The following PTPRZ1 variants were observed in gnomAD, a reference collection of about 807,000 sequenced individuals.
PTPRZ1 encodes receptor-type tyrosine-protein phosphatase zeta.
Under a neutral mutation model 214.1 loss-of-function variants are expected in PTPRZ1, and 82 were observed. That is an observed-to-expected ratio of 0.38 (90% confidence interval 0.32 to 0.46). The LOEUF is 0.46. Among genes scored for constraint, PTPRZ1 ranks in the 20% least tolerant of loss-of-function variants. The probability of loss-of-function intolerance (pLI) is 1.00; values close to 1 mark genes in which losing one functional copy is unlikely to be tolerated. For synonymous variants in PTPRZ1, 945 were observed against 987.9 expected (o/e 0.96, Z 0.81); for missense variants, 2,603 against 2,748.7 (o/e 0.95, Z 1.19).
chr7:121,932,859 A>G lies in PTPRZ1; in HGVS notation c.124+4638A>G, dbSNP rs1584653740. ...ATACTCTTTTAGTTGTGTTTTATGC[A>G]TAGGTTAAGAAAAACTTTCTATTCA... is the stretch of plus-strand genomic sequence containing the variant. On this transcript the variant is annotated intron_variant, in intron 2 of 29. Transcript: ENST00000393386. Among the ~76,000 whole-genome samples, 3 of 152,270 alleles carry G rather than the reference A, an allele frequency of 2.0e-5. No homozygotes were observed. In the East Asian group the frequency reaches 5.8e-4, roughly 29 times the overall value.
intron 14 of PTPRZ1, among the ~76,000 whole-genome samples, chr7:122,030,503 C>T (rs1213397263): frequency 1.3e-5 from 2 of 152,004 alleles, no homozygotes; most frequent in Non-Finnish European, 2.9e-5. Context: ...GGTAGAATTA[C>T]ACCTTTGTCT....
chr7:122,038,992 T>C, intron 19 of PTPRZ1, 103 bp downstream of exon 19: 1 of 1,229,928 alleles, frequency 8.1e-7, no homozygotes, highest in Non-Finnish European at 1.1e-6. Flanking sequence ...GTTTTGAGAG[T>C]TATTTGGGAT....
intron 18 of PTPRZ1, among the ~76,000 whole-genome samples, chr7:122,037,761 C>T (rs1401546645): frequency 2.0e-5 from 3 of 152,140 alleles, no homozygotes; most frequent in Non-Finnish European, 4.4e-5. Flanking sequence ...CTGCCACTGG[C>T]TAGCTGTGGG....
intron 1 of PTPRZ1, among the ~76,000 whole-genome samples, chr7:121,889,006 G>A (rs983991318): frequency 1.3e-5 from 2 of 152,052 alleles, no homozygotes; most frequent in African/African-American, 4.8e-5. Flanking sequence ...ATTATATAGG[G>A]AATGAATTAA....
intron 1 of PTPRZ1, among the ~76,000 whole-genome samples, chr7:121,882,478 T>G (rs942619638): frequency 6.6e-6 from 1 of 152,102 alleles, no homozygotes; most frequent in Admixed American, 6.6e-5. Flanking sequence ...CAGAGAAACA[T>G]GGACTGAAAG....
At chr7:121,973,029 A>C (rs1361524526) in intron 4 of PTPRZ1, among the ~76,000 whole-genome samples, 1 of 152,198 alleles carries the variant, frequency 6.6e-6, no homozygotes, top group Non-Finnish European at 1.5e-5. Context: ...CAGCTTTAAA[A>C]TTGGCAAAGT....
At chr7:121,952,553 T>C (rs1584676116) in intron 2 of PTPRZ1, among the ~76,000 whole-genome samples, 1 of 151,966 alleles carries the variant, frequency 6.6e-6, no homozygotes, top group East Asian at 1.9e-4. Flanking sequence ...TCCACTGCAT[T>C]CCAGCCTGTG....
chr7:122,039,039 T>C, intron 19 of PTPRZ1, 150 bp downstream of exon 19: 1 of 814,016 alleles, frequency 1.2e-6, no homozygotes. Context: ...AGGGAAACTG[T>C]TAATACTGTT....
chr7:121,925,838 G>A (rs1202756451), intron 1 of PTPRZ1, among the ~76,000 whole-genome samples: 1 of 152,004 alleles, frequency 6.6e-6, no homozygotes, highest in Non-Finnish European at 1.5e-5. Context: ...TTGGAGCAAG[G>A]TGCCCCACTG....
At position 122,012,356 on chromosome 7, in the gene PTPRZ1, G is replaced by T; in HGVS notation, c.3310G>T (p.Ala1104Ser). 2 of 1,613,870 alleles carry T rather than the reference G, an allele frequency of 1.2e-6. No homozygotes were observed. Among genetic ancestry groups the T allele is most frequent in the Non-Finnish European group, 1.7e-6 (2 of 1,179,854 alleles). Residue 1104 changes from alanine (A) to serine (S), a missense_variant, in exon 12 of 30, where the codon GCT (alanine) becomes TCT (serine). Physicochemically the swap from Ala to Ser is moderately conservative, Grantham distance 99. Coordinates refer to ENST00000393386, the MANE Select transcript of PTPRZ1 (RefSeq NM_002851.3). ...CAAGGGCATGTTTCCAGGGTCCCTT[G>T]CTCATACCACCACTAAGGTTTTTGA... ...STKGMFPGSL[A>S]HTTTKVFDHE...
Position 121,997,954 on chromosome 7 carries a change from A to C in PTPRZ1, c.1188A>C (p.Leu396Phe). 6.2e-7 allele frequency: 1 copy of C among 1,613,156 alleles called. No individual in the cohort carries two copies. Among genetic ancestry groups the C allele is most frequent in the South Asian group, 1.1e-5 (1 of 91,018 alleles). The change falls in exon 10 of 30, where the codon TTA becomes TTC. Residue 396 changes from leucine (L) to phenylalanine (F), a missense_variant. This residue lies in a region of PTPRZ1 where 244 missense variants were observed against 333.2 expected (regional missense o/e 0.73). Coordinates refer to ENST00000393386, the MANE Select transcript of PTPRZ1 (RefSeq NM_002851.3). ...TAGTAGCCATATGCACTAATGGCTT[A>C]TATGGAAAATACAGCGACCAACTGA... ...LQIVAICTNG[L>F]YGKYSDQLIV...
intron 1 of PTPRZ1, among the ~76,000 whole-genome samples, chr7:121,922,366 G>A (rs1353505276): frequency 6.6e-6 from 1 of 152,104 alleles, no homozygotes; most frequent in Non-Finnish European, 1.5e-5. Context: ...AGACCAGCCT[G>A]GCCAACATGG....
chr7:121,908,365 A>AGTATAATT, intron 1 of PTPRZ1: 1 of 243,432 alleles, frequency 4.1e-6, no homozygotes, highest in South Asian at 4.3e-5. Flanking sequence ...ATCCCTTTGG[A>AGTATAATT]AAAGAATATC....
chr7:121,931,225 A>G (rs921859764), intron 2 of PTPRZ1, among the ~76,000 whole-genome samples: 1 of 152,192 alleles, frequency 6.6e-6, no homozygotes, highest in Non-Finnish European at 1.5e-5. Context: ...TGTTTGCTCC[A>G]TTAAGAGTAA....
chr7:122,021,354 T>G (rs1799011250), intron 13 of PTPRZ1, among the ~76,000 whole-genome samples: 1 of 152,188 alleles, frequency 6.6e-6, no homozygotes, highest in Non-Finnish European at 1.5e-5. Context: ...AATATATTAA[T>G]TTGACCTTCA....
rs1417515958 is a variant in PTPRZ1 at position 122,011,340 on chromosome 7, G to A, written c.2294G>A (p.Ser765Asn). 1 of 1,614,040 alleles carries A rather than the reference G, an allele frequency of 6.2e-7. No homozygotes were observed. The highest frequency in any genetic ancestry group is 8.5e-7 in the Non-Finnish European group (1 of 1,180,034). Residue 765 changes from serine (S) to asparagine (N), a missense_variant, in exon 12 of 30, where the codon AGT becomes AAT. Coordinates refer to ENST00000393386, the MANE Select transcript of PTPRZ1 (RefSeq NM_002851.3). Reference sequence around the variant, plus strand: ...ACACCTCTTCAACCTTCCTACAGTAGTGAAGTCTTTCCTCTAGTCACCCCT... The same window carrying A: ...ACACCTCTTCAACCTTCCTACAGTAATGAAGTCTTTCCTCTAGTCACCCCT... ...GETPLQPSYS[S>N]EVFPLVTPLL...
rs1447386454 is a variant in PTPRZ1 at position 122,013,707 on chromosome 7, G to T, written c.4661G>T (p.Gly1554Val). ...TSDEESGSGQ[G>V]TSDSLNENET... ...GATGAAGAAAGTGGATCAGGGCAAG[G>T]TACCTCAGATAGCCTTAATGAGAAT... is the stretch of plus-strand genomic sequence containing the variant. The change falls in exon 12 of 30, where the codon GGT becomes GTT. Residue 1554 changes from glycine to valine, a missense_variant. Physicochemically the swap from Gly to Val is moderately radical, Grantham distance 109. This residue lies in a region of PTPRZ1 where 1,913 missense variants were observed against 1,914.3 expected (regional missense o/e 1.00). Transcript: ENST00000393386. The T allele has an allele frequency of 8.7e-6, 14 of 1,614,106 alleles. No homozygotes were observed. Among genetic ancestry groups the T allele is most frequent in the African/African-American group, 8.0e-5 (6 of 74,942 alleles).
At chr7:121,930,186 C>T (rs967907640) in intron 2 of PTPRZ1, among the ~76,000 whole-genome samples, 4 of 152,188 alleles carry the variant, frequency 2.6e-5, no homozygotes, top group African/African-American at 9.6e-5. Flanking sequence ...CTGTGGAGTA[C>T]TCTGCAGATG....
At chr7:121,881,460 TA>T (rs572193242) in intron 1 of PTPRZ1, among the ~76,000 whole-genome samples, 12 of 152,202 alleles carry the variant, frequency 7.9e-5, no homozygotes, top group Non-Finnish European at 1.6e-4. Flanking sequence ...GACATTTTCT[TA>T]AAACTCTCCA....
Sources: allele counts gnomAD v4.1 joint callset (sites outside exome capture counted in the v4.1 genomes callset), GRCh38; gene constraint gnomAD v4.1.1; regional missense constraint gnomAD v4.1.1; transcripts MANE v1.5; gene names NCBI Gene and HGNC (gene_info 2026-07-23, HGNC 2026-07-21).